Variants in MCCC2 observed in about 807,000 individuals in gnomAD.
MCCC2 encodes the protein methylcrotonoyl-CoA carboxylase beta chain, mitochondrial.
MCCC2 carries 52 observed loss-of-function variants against 77.2 expected under a neutral mutation model. The observed-to-expected ratio is 0.67, with a 90% CI of 0.54 to 0.85. MCCC2 has a LOEUF of 0.85. MCCC2 is among the 40% of genes least tolerant of loss of function. The pLI, the probability that MCCC2 is intolerant of heterozygous loss-of-function variation, is 0.00. For missense variants in MCCC2, 682 were observed against 703.2 expected (o/e 0.97, Z 0.34); for synonymous variants, 253 against 248.4 (o/e 1.02, Z -0.18).
chr5:71,635,136 T>C lies in MCCC2; in HGVS notation c.904-15T>C, dbSNP rs759973458. On this transcript the variant is annotated splice_polypyrimidine_tract_variant and intron_variant, in intron 9 of 16. Transcript: ENST00000340941. ...CATGTCTTTAAACAGGTTAACATGA[T>C]CTATATTTCTGCAGGTCACCATTGA... 1 of 1,613,758 alleles carries C rather than the reference T, an allele frequency of 6.2e-7. No homozygotes were observed. The highest frequency in any genetic ancestry group is 1.3e-5 in the African/African-American group (1 of 75,052).
rs1746977857 is a variant in MCCC2 at position 71,637,724 on chromosome 5, CT to C, written c.999+2481del. On this transcript the variant is annotated intron_variant, in intron 10 of 16. Coordinates refer to ENST00000340941, the MANE Select transcript of MCCC2 (RefSeq NM_022132.5). ...TGCTAGCATTTGATCCAGGGTAGAA[CT>C]TTGTTTTTTTTCAGACTGAGTCTCA... is the stretch of plus-strand genomic sequence containing the variant. 3.3e-5 allele frequency among the ~76,000 whole-genome samples: 5 copies of C among 152,186 alleles called. No homozygotes were observed. In the South Asian group the frequency reaches 8.3e-4, roughly 25 times the overall value.
intron 13 of MCCC2, among the ~76,000 whole-genome samples, chr5:71,648,402 T>C (rs921546583): frequency 1.3e-5 from 2 of 152,124 alleles, no homozygotes; most frequent in Admixed American, 1.3e-4. Flanking sequence ...CTTGAAGAAA[T>C]AGAAGGATCC....
rs535221710 is a variant in MCCC2 at position 71,657,238 on chromosome 5, T to A, written c.*378T>A. ...AAATGATTGTTTTGCTGGTTATGCT[T>A]GGTGATATTTTAGCGGGCTTATTTT... On this transcript the variant is annotated 3_prime_UTR_variant, in exon 17 of 17. Transcript: ENST00000340941. 72 of 241,204 alleles carry A rather than the reference T, an allele frequency of 3.0e-4. 1 individual carries two copies. The South Asian group carries it at 3.0e-3, about 10-fold the overall frequency. The allele number at this position is 241,204 out of a possible 1,614,324, so 14.9% of individuals were successfully genotyped here. A position where few individuals can be genotyped will look rare whatever the true frequency, so the allele number is the denominator to read the frequency against.
At chr5:71,645,174 A>G (rs1430233630) in intron 12 of MCCC2, among the ~76,000 whole-genome samples, 1 of 152,196 alleles carries the variant, frequency 6.6e-6, no homozygotes, top group African/African-American at 2.4e-5. Flanking sequence ...TGGTACAAAT[A>G]AACCCCAGAG....
chr5:71,638,943 A>G (rs551564409), intron 10 of MCCC2, among the ~76,000 whole-genome samples: 33 of 152,228 alleles, frequency 2.2e-4, no homozygotes, highest in Non-Finnish European at 4.1e-4. Flanking sequence ...GTGCATCTCT[A>G]TCAGAGTCTT....
At chr5:71,649,308 A>T in intron 14 of MCCC2, 55 bp downstream of exon 14, 1 of 1,499,120 alleles carries the variant, frequency 6.7e-7, no homozygotes, top group Non-Finnish European at 9.3e-7. Flanking sequence ...TATAAAATAC[A>T]TGGTCAGTTT....
chr5:71,654,125 G>A (rs1645184086), intron 16 of MCCC2, among the ~76,000 whole-genome samples: 2 of 152,080 alleles, frequency 1.3e-5, no homozygotes, highest in Admixed American at 6.6e-5. Flanking sequence ...GGCCTCCAAA[G>A]CTGGGACTAC....
chr5:71,603,114 T>C (rs1488818141), intron 5 of MCCC2: 2 of 169,050 alleles, frequency 1.2e-5, no homozygotes, highest in Admixed American at 6.0e-5. Context: ...AGCAAAGCAG[T>C]TTAAAATGGG....
At chr5:71,597,681 C>T (rs1387372855) in intron 3 of MCCC2, among the ~76,000 whole-genome samples, 1 of 152,124 alleles carries the variant, frequency 6.6e-6, no homozygotes, top group African/African-American at 2.4e-5. Context: ...TCTCCTGACA[C>T]GTGCACACAC....
At chr5:71,649,042 C>G (rs1032687123) in intron 13 of MCCC2, 55 bp from the exon 14 acceptor site, 87 of 1,592,476 alleles carry the variant, frequency 5.5e-5, no homozygotes, top group Non-Finnish European at 7.5e-5. Context: ...GGTGGAATTG[C>G]GTTCCGCATA....
chr5:71,625,051 C>T (rs1006215729), intron 6 of MCCC2, among the ~76,000 whole-genome samples: 6 of 152,098 alleles, frequency 3.9e-5, no homozygotes, highest in African/African-American at 7.2e-5. Flanking sequence ...CCTGACCTGC[C>T]TCCCTCATCT....
At position 71,626,689 on chromosome 5, in the gene MCCC2, C is replaced by A; in HGVS notation, c.674C>A (p.Ala225Asp). The A allele has an allele frequency of 6.2e-7, 1 of 1,614,098 alleles. No individual in the cohort carries two copies. Among genetic ancestry groups the A allele is most frequent in the Non-Finnish European group, 8.5e-7 (1 of 1,180,024 alleles). The change falls in exon 7 of 17, where the codon GCC becomes GAC. Residue 225 changes from alanine to aspartate, a missense_variant. Coordinates refer to ENST00000340941, the MANE Select transcript of MCCC2 (RefSeq NM_022132.5). Reference sequence around the variant, plus strand: ...ACCGCAGGAGGAGCCTATGTGCCTGCCATGGCTGATGAAAACATCATTGTA... The same window carrying A: ...ACCGCAGGAGGAGCCTATGTGCCTGACATGGCTGATGAAAACATCATTGTA... ...SCTAGGAYVP[A>D]MADENIIVRK...
Position 71,587,475 on chromosome 5 carries a change from C to G in MCCC2, c.50C>G (p.Pro17Arg). 1 of 1,536,546 alleles carries G rather than the reference C, an allele frequency of 6.5e-7. No individual in the cohort carries two copies. Among genetic ancestry groups the G allele is most frequent in the Non-Finnish European group, 8.7e-7 (1 of 1,146,162 alleles). The stretch of plus-strand genomic sequence containing the variant: ...CTGCGGCCGTGTGCCCGCGCCTCTC[C>G]CGCCGGGCCGCGCGCCTATCACGGG... Reference protein sequence around the residue: ...LALRPCARASPAGPRAYHGDS... With the variant: ...LALRPCARASRAGPRAYHGDS... The change falls in exon 1 of 17, where the codon CCC (proline) becomes CGC (arginine). Residue 17 changes from proline to arginine, a missense_variant. Transcript: ENST00000340941.
chr5:71,632,557 A>G (rs1266823760), intron 8 of MCCC2, among the ~76,000 whole-genome samples: 1 of 152,186 alleles, frequency 6.6e-6, no homozygotes, highest in South Asian at 2.1e-4. Flanking sequence ...AATTATGTAA[A>G]TGTGGCTGAT....
In MCCC2 at chr5:71,641,046, A is replaced by G. The variant is rs759809368; in HGVS notation, c.1043A>G (p.Lys348Arg). 7 of 1,613,994 alleles carry G rather than the reference A, an allele frequency of 4.3e-6. No individual in the cohort carries two copies. The highest frequency in any genetic ancestry group is 5.1e-6 in the Non-Finnish European group (6 of 1,179,976). Reference protein sequence around the residue: ...IVDGSRFTEFKAFYGDTLVTG... With the variant: ...IVDGSRFTEFRAFYGDTLVTG... ...GATGGAAGCAGATTCACTGAGTTCA[A>G]AGCCTTTTATGGAGACACATTAGTT... Residue 348 changes from lysine to arginine, a missense_variant, in exon 11 of 17, where the codon AAA becomes AGA. Lys to Arg is a conservative substitution (Grantham distance 26). Transcript: ENST00000340941.
At chr5:71,604,298 C>T (rs1745576171) in intron 5 of MCCC2, 58 bp from the exon 6 acceptor site, 2 of 1,421,894 alleles carry the variant, frequency 1.4e-6, no homozygotes, top group Non-Finnish European at 2.0e-6. Context: ...ACAAGTTTCC[C>T]TCTGCGTAGC....
intron 3 of MCCC2, 146 bp from the exon 4 acceptor site, chr5:71,599,513 G>A: frequency 1.4e-6 from 1 of 703,174 alleles, no homozygotes; most frequent in South Asian, 1.7e-5. Flanking sequence ...ACCCATTTTA[G>A]ATTTTTAAAA....
chr5:71,614,029 T>TACACACGCACAC (rs1554135622), intron 6 of MCCC2, among the ~76,000 whole-genome samples: 1 of 148,312 alleles, frequency 6.7e-6, no homozygotes, highest in African/African-American at 2.5e-5. Context: ...ACGTATATAA[T>TACACACGCACAC]ACACACACAC....
At chr5:71,649,542 G>A (rs1420305002) in intron 14 of MCCC2, among the ~76,000 whole-genome samples, 1 of 152,204 alleles carries the variant, frequency 6.6e-6, no homozygotes, top group East Asian at 1.9e-4. Context: ...AAGGTATGTA[G>A]CCTTAAAGGC....
Sources: allele counts gnomAD v4.1 joint callset (sites outside exome capture counted in the v4.1 genomes callset), GRCh38; gene constraint gnomAD v4.1.1; transcripts MANE v1.5; gene names NCBI Gene and HGNC (gene_info 2026-07-23, HGNC 2026-07-21).